ZNF354B: variants seen among roughly 807,000 people sequenced by gnomAD.
ZNF354B encodes zinc finger protein 354B.
In ZNF354B, 10 loss-of-function variants were observed where a neutral mutation model predicts 12.9. That is an observed-to-expected ratio of 0.77 (90% CI 0.48 to 1.31). ZNF354B has a LOEUF of 1.31. Among genes scored for constraint, ZNF354B ranks in the 40% most tolerant of loss-of-function variants. The pLI is 0.00. For missense variants in ZNF354B, 614 were observed against 711.7 expected, an observed-to-expected ratio of 0.86 and a Z score of 1.56; for synonymous variants, 260 against 243.7, an observed-to-expected ratio of 1.07 and a Z score of -0.62.
intron 4 of ZNF354B, among the ~76,000 whole-genome samples, chr5:178,877,790 C>T (rs1177818049): frequency 6.6e-6 from 1 of 152,184 alleles, no homozygotes; most frequent in African/African-American, 2.4e-5. Context: ...ATTAATTTCA[C>T]TTGACTGGCC....
At position 178,873,497 on chromosome 5, in the gene ZNF354B, G is replaced by A. The variant is rs544291949; in HGVS notation, c.256+6426G>A. On this transcript the variant is annotated intron_variant, in intron 4 of 4. Transcript: ENST00000322434. ...ATGCGAGGTTCATTTTTTTGCATGCGAATCTTCAGTTGCTCCATCATTATT... is the reference window on the plus strand; with the variant it reads ...ATGCGAGGTTCATTTTTTTGCATGCAAATCTTCAGTTGCTCCATCATTATT... Among the ~76,000 whole-genome samples, 10 of 152,188 alleles carry A rather than the reference G, an allele frequency of 6.6e-5. No homozygotes were observed. The East Asian group carries it at 7.7e-4, about 12-fold the overall frequency.
chr5:178,868,747 C>T (rs1364171356), intron 4 of ZNF354B, among the ~76,000 whole-genome samples: 2 of 152,118 alleles, frequency 1.3e-5, no homozygotes, highest in South Asian at 2.1e-4. Flanking sequence ...CCGAGGCGGG[C>T]AGATCACGAG....
chr5:178,865,864 T>C (rs1363737676), intron 2 of ZNF354B, among the ~76,000 whole-genome samples: 1 of 152,152 alleles, frequency 6.6e-6, no homozygotes, highest in African/African-American at 2.4e-5. Flanking sequence ...TTTTTGCTAC[T>C]AACACCATGA....
intron 4 of ZNF354B, among the ~76,000 whole-genome samples, chr5:178,881,588 A>G (rs1486086339): frequency 6.6e-6 from 1 of 152,218 alleles, no homozygotes; most frequent in Non-Finnish European, 1.5e-5. Flanking sequence ...GATTCTTAGT[A>G]TAAATGAAGG....
In ZNF354B at chr5:178,884,442, T is replaced by G. The variant is rs1757771929; in HGVS notation, c.*151T>G. 1.3e-6 allele frequency: 1 copy of G among 789,892 alleles called. No individual in the cohort carries two copies. The highest frequency in any genetic ancestry group is 1.9e-6 in the Non-Finnish European group (1 of 528,394). The allele number at this position is 789,892 out of a possible 1,614,324, so 48.9% of individuals were successfully genotyped here. A position where few individuals can be genotyped will look rare whatever the true frequency, so the allele number is the denominator to read the frequency against. On this transcript the variant is annotated 3_prime_UTR_variant, in exon 5 of 5. Coordinates refer to ENST00000322434, the MANE Select transcript of ZNF354B (RefSeq NM_058230.3). ...TAACTTATGGGAAAAGCTTTTATAC[T>G]TGTCACTCACTTTTTAAAATATCCC...
chr5:178,872,296 C>A (rs1757576270), intron 4 of ZNF354B, among the ~76,000 whole-genome samples: 2 of 151,922 alleles, frequency 1.3e-5, no homozygotes, highest in Admixed American at 1.3e-4. Context: ...TCTGGAAATT[C>A]ATCTGTGTAG....
intron 1 of ZNF354B, among the ~76,000 whole-genome samples, chr5:178,860,417 C>G (rs1757328138): frequency 6.6e-6 from 1 of 152,100 alleles, no homozygotes; most frequent in African/African-American, 2.4e-5. Context: ...GCCGGGACCC[C>G]GAGCGCAGGG....
chr5:178,872,730 C>T (rs1323838199), intron 4 of ZNF354B, among the ~76,000 whole-genome samples: 1 of 152,212 alleles, frequency 6.6e-6, no homozygotes, highest in South Asian at 2.1e-4. Context: ...GTGTTGCTAA[C>T]ATCTGTTGAT....
Position 178,883,259 on chromosome 5 carries a change from C to T in ZNF354B, c.807C>T (p.Pro269=), listed in dbSNP as rs756289931. 11 of 1,613,110 alleles carry T rather than the reference C, an allele frequency of 6.8e-6. No homozygotes were observed. Among genetic ancestry groups the T allele is most frequent in the Admixed American group, 1.7e-5 (1 of 59,854 alleles). The part of the protein sequence containing the change: ...QHQRTHTGEK[P]YICKECGKAF... The stretch of plus-strand genomic sequence containing the variant: ...AAAGAACTCATACAGGAGAGAAACC[C>T]TATATATGTAAAGAATGTGGGAAAG... Residue 269 remains proline (P), a synonymous_variant, in exon 5 of 5, where the codon CCC becomes CCT. Coordinates refer to ENST00000322434, the MANE Select transcript of ZNF354B (RefSeq NM_058230.3).
chr5:178,875,563 A>G (rs1757623952), intron 4 of ZNF354B, among the ~76,000 whole-genome samples: 1 of 152,154 alleles, frequency 6.6e-6, no homozygotes, highest in Non-Finnish European at 1.5e-5. Context: ...GGGCAATACC[A>G]CTGCAGTGGC....
intron 2 of ZNF354B, among the ~76,000 whole-genome samples, chr5:178,862,024 T>C (rs1295811831): frequency 6.6e-6 from 1 of 152,202 alleles, no homozygotes; most frequent in African/African-American, 2.4e-5. Flanking sequence ...TGTTGGTAGA[T>C]AGAAACTGCT....
At chr5:178,878,199 T>C (rs944548018) in intron 4 of ZNF354B, among the ~76,000 whole-genome samples, 2 of 151,920 alleles carry the variant, frequency 1.3e-5, no homozygotes, top group South Asian at 2.1e-4. Flanking sequence ...CTGGCTAACA[T>C]GGTGAAACCC....
intron 4 of ZNF354B, among the ~76,000 whole-genome samples, chr5:178,877,407 G>T (rs1309497869): frequency 1.3e-5 from 2 of 152,100 alleles, no homozygotes; most frequent in Non-Finnish European, 2.9e-5. Flanking sequence ...GACCTCAAGT[G>T]ATCCGCCCAC....
rs74462474 is a variant in ZNF354B at position 178,884,352 on chromosome 5, G to C, written c.*61G>C. 5.6e-3 allele frequency: 8,284 copies of C among 1,481,540 alleles called. 493 individuals carry two copies. In the East Asian group the frequency reaches 0.14, roughly 25 times the overall value. 91.8% of individuals were successfully genotyped at this position (1,481,540 alleles called of 1,614,324 possible). ...TTGAGAGTGATTTATTAAATATAAT[G>C]AATATGAGAAAACTCTTAGTTCTCA... On this transcript the variant is annotated 3_prime_UTR_variant, in exon 5 of 5. Coordinates refer to ENST00000322434, the MANE Select transcript of ZNF354B (RefSeq NM_058230.3).
Position 178,884,278 on chromosome 5 carries a change from AT to A in ZNF354B, c.1829del (p.Leu610CysfsTer36). ...IHIEEDSLKA[D>X]LHV ...ATTGAAGAGGACTCCTTAAAAGCCGATTTGCATGTGTGAAAGCCTTAAACCA... is the reference window on the plus strand; with the variant it reads ...ATTGAAGAGGACTCCTTAAAAGCCGATTGCATGTGTGAAAGCCTTAAACCA... On this transcript the variant is annotated frameshift_variant, in exon 5 of 5. Transcript: ENST00000322434. LOFTEE classifies it high-confidence loss of function. The A allele has an allele frequency of 1.9e-6, 3 of 1,584,454 alleles. No individual in the cohort carries two copies. The highest frequency in any genetic ancestry group is 2.6e-6 in the Non-Finnish European group (3 of 1,166,896).
At chr5:178,865,337 G>A (rs193234121) in intron 2 of ZNF354B, among the ~76,000 whole-genome samples, 119 of 152,018 alleles carry the variant, frequency 7.8e-4, no homozygotes, top group Admixed American at 3.0e-3. Flanking sequence ...GCATGATCTC[G>A]GCTCAGTGCA....
Position 178,883,975 on chromosome 5 carries a change from C to G in ZNF354B, c.1523C>G (p.Ser508Trp). The change falls in exon 5 of 5, where the codon TCG (serine) becomes TGG (tryptophan). Residue 508 changes from serine (S) to tryptophan (W), a missense_variant. By Grantham distance (177) the Ser-to-Trp change is radical. Coordinates refer to ENST00000322434, the MANE Select transcript of ZNF354B (RefSeq NM_058230.3). ...ECDKTFRCNS[S>W]LSNHQRIHTG... ...GACAAAACATTCAGGTGTAACTCAT[C>G]GCTTAGTAATCACCAGAGAATTCAT... 6.2e-7 allele frequency: 1 copy of G among 1,614,088 alleles called. No homozygotes were observed. The highest frequency in any genetic ancestry group is 8.5e-7 in the Non-Finnish European group (1 of 1,179,988).
chr5:178,867,791 C>T (rs950720743), intron 4 of ZNF354B, among the ~76,000 whole-genome samples: 3 of 152,132 alleles, frequency 2.0e-5, no homozygotes, highest in Non-Finnish European at 4.4e-5. Context: ...TAGCTGGTGA[C>T]ATTAGTTACA....
At chr5:178,864,458 T>C (rs183964887) in intron 2 of ZNF354B, among the ~76,000 whole-genome samples, 1 of 152,256 alleles carries the variant, frequency 6.6e-6, no homozygotes, top group Non-Finnish European at 1.5e-5. Context: ...GGCTTAACAA[T>C]GCATTTCTCA....
Sources: allele counts gnomAD v4.1 joint callset (sites outside exome capture counted in the v4.1 genomes callset), GRCh38; gene constraint gnomAD v4.1.1; transcripts MANE v1.5; gene names NCBI Gene and HGNC (gene_info 2026-07-23, HGNC 2026-07-21).